CHLSN: variants seen among roughly 807,000 people sequenced by gnomAD.
The protein encoded by CHLSN is cholesin, also known as protein cholesin.
chr7:1,093,312 T>C, the CHLSN span: 1 of 426,856 alleles, frequency 2.3e-6, no homozygotes, highest in East Asian at 7.1e-5. Flanking sequence ...TGCAAGGTGC[T>C]GGTGGGTCTG....
At chr7:1,079,607 C>T in the CHLSN span, among the ~76,000 whole-genome samples, 2 of 152,254 alleles carry the variant, frequency 1.3e-5, no homozygotes, top group Non-Finnish European at 2.9e-5. Context: ...TGCACAACCC[C>T]CCTCCCTGCC....
chr7:1,036,293 G>A, the CHLSN span, among the ~76,000 whole-genome samples: 1,489 of 151,992 alleles, frequency 9.8e-3, 24 homozygotes, highest in African/African-American at 0.034. Context: ...TGTAGGGTTC[G>A]GGTGCTCGTG....
At chr7:1,009,991 G>A in the CHLSN span, 2 of 1,591,412 alleles carry the variant, frequency 1.3e-6, no homozygotes, top group East Asian at 4.5e-5. Context: ...CCGAGCGCCT[G>A]GCAGGCGGGT....
At chr7:1,009,059 A>G in the CHLSN span, among the ~76,000 whole-genome samples, 84 of 120,912 alleles carry the variant, frequency 6.9e-4, no homozygotes, top group Non-Finnish European at 1.2e-3. Flanking sequence ...GTACACGTGC[A>G]CGTGCACGCA....
the CHLSN span, among the ~76,000 whole-genome samples, chr7:996,395 G>A: frequency 5.8e-3 from 884 of 152,384 alleles, 10 homozygotes; most frequent in African/African-American, 0.019. Context: ...CTGAGCCAGC[G>A]TCCCAAGGCT....
the CHLSN span, among the ~76,000 whole-genome samples, chr7:1,081,082 GC>G: frequency 6.6e-6 from 1 of 152,210 alleles, no homozygotes; most frequent in Non-Finnish European, 1.5e-5. Flanking sequence ...GGGGGAGCAC[GC>G]CCCCCACCCG....
the CHLSN span, among the ~76,000 whole-genome samples, chr7:1,071,805 C>T: frequency 6.6e-5 from 10 of 152,352 alleles, no homozygotes; most frequent in East Asian, 1.5e-3. Context: ...GGCGACACCA[C>T]ATACAACAGG....
the CHLSN span, among the ~76,000 whole-genome samples, chr7:1,087,582 C>T: frequency 8.5e-5 from 13 of 152,354 alleles, no homozygotes; most frequent in South Asian, 8.3e-4. Flanking sequence ...TGTGTCACGA[C>T]GCTCCAACAG....
chr7:989,372 G>T, the CHLSN span: 1 of 155,812 alleles, frequency 6.4e-6, no homozygotes, highest in Admixed American at 6.3e-5. Flanking sequence ...TATGACTGGT[G>T]CAGGGAGGCA....
chr7:981,366 C>T, the CHLSN span, among the ~76,000 whole-genome samples: 4 of 151,896 alleles, frequency 2.6e-5, no homozygotes, highest in East Asian at 1.9e-4. Flanking sequence ...GTAATCCCAG[C>T]GCTTTTGGAG....
chr7:985,467 T>G, the CHLSN span: 2 of 952,438 alleles, frequency 2.1e-6, no homozygotes. Flanking sequence ...AGGGCCTGAA[T>G]CAGGACCCAT....
At chr7:1,007,804 G>A in the CHLSN span, among the ~76,000 whole-genome samples, 1 of 152,174 alleles carries the variant, frequency 6.6e-6, no homozygotes, top group Non-Finnish European at 1.5e-5. Flanking sequence ...GGGGAGAGGA[G>A]GGTGAGGCTG....
chr7:1,089,662 A>G, the CHLSN span, among the ~76,000 whole-genome samples: 1 of 149,208 alleles, frequency 6.7e-6, no homozygotes, highest in Non-Finnish European at 1.5e-5. Flanking sequence ...AACTTGAGCA[A>G]TCCTCCCACC....
At chr7:1,091,571 C>A in the CHLSN span, 14 of 663,488 alleles carry the variant, frequency 2.1e-5, no homozygotes, top group South Asian at 2.6e-4. Context: ...AAACCCAACC[C>A]AAACCACCAC....
chr7:1,126,434 A>G, the CHLSN span, among the ~76,000 whole-genome samples: 4 of 149,964 alleles, frequency 2.7e-5, no homozygotes, highest in Non-Finnish European at 5.9e-5. Flanking sequence ...ATTCCAGCAT[A>G]TTGGGAGGCC....
At chr7:1,127,341 C>G in the CHLSN span, 1 of 1,609,454 alleles carries the variant, frequency 6.2e-7, no homozygotes, top group Non-Finnish European at 8.5e-7. Context: ...GCTTTTTGTT[C>G]TTTTTCTCTG....
the CHLSN span, among the ~76,000 whole-genome samples, chr7:1,130,758 G>A: frequency 6.6e-6 from 1 of 152,306 alleles, no homozygotes; most frequent in African/African-American, 2.4e-5. Context: ...GGAGCCAAGA[G>A]ACAGGAGCTC....
At chr7:1,027,544 C>G in the CHLSN span, among the ~76,000 whole-genome samples, 1 of 152,278 alleles carries the variant, frequency 6.6e-6, no homozygotes, top group African/African-American at 2.4e-5. Context: ...TGAGCCCCGA[C>G]GCAGCAGCGG....
At chr7:1,038,314 GC>G in the CHLSN span, among the ~76,000 whole-genome samples, 2 of 94,786 alleles carry the variant, frequency 2.1e-5, 1 homozygote, top group African/African-American at 7.7e-5. Context: ...GGGGGGGTCA[GC>G]CCCCCGCCCG....
Sources: allele counts gnomAD v4.1 joint callset (sites outside exome capture counted in the v4.1 genomes callset), GRCh38; gene constraint gnomAD v4.1.1; transcripts MANE v1.5; gene names NCBI Gene and HGNC (gene_info 2026-07-23, HGNC 2026-07-21).